PLEKHA7: variants seen among roughly 807,000 people sequenced by gnomAD.
The protein encoded by PLEKHA7 is pleckstrin homology domain-containing family A member 7.
A neutral mutation model predicts 170.0 loss-of-function variants in PLEKHA7; 104 were observed. The observed-to-expected ratio is 0.61, with a 90% confidence interval of 0.52 to 0.72. The LOEUF (loss-of-function observed/expected upper bound fraction) is 0.72, where lower values mean the gene tolerates loss of function less well. PLEKHA7 is among the 30% of genes least tolerant of loss of function. PLEKHA7 has a pLI of 0.00. For missense variants in PLEKHA7, 1,615 were observed against 1,671.7 expected (o/e 0.97, Z 0.59); for synonymous variants, 648 against 660.8 (o/e 0.98, Z 0.30).
chr11:16,916,529 G>A (rs967077380), intron 3 of PLEKHA7, among the ~76,000 whole-genome samples: 3 of 152,162 alleles, frequency 2.0e-5, no homozygotes, highest in African/African-American at 7.2e-5. Flanking sequence ...TCAGGCAATT[G>A]TTTTGAAGAT....
At chr11:16,873,277 T>A (rs1277780437) in intron 3 of PLEKHA7, among the ~76,000 whole-genome samples, 1 of 152,246 alleles carries the variant, frequency 6.6e-6, no homozygotes, top group Non-Finnish European at 1.5e-5. Context: ...AGTCTTTTTT[T>A]ACTCTGCCCT....
chr11:16,779,198 C>A (rs997853686), intron 26 of PLEKHA7, among the ~76,000 whole-genome samples, 178 bp from the exon 27 acceptor site: 1 of 152,248 alleles, frequency 6.6e-6, no homozygotes, highest in African/African-American at 2.4e-5. Flanking sequence ...CTTGCCCCAC[C>A]CTCCCTGCAC....
intron 4 of PLEKHA7, among the ~76,000 whole-genome samples, chr11:16,867,394 T>A (rs1441025352): frequency 6.6e-6 from 1 of 152,170 alleles, no homozygotes; most frequent in Admixed American, 6.5e-5. Context: ...GTGGAGGCTC[T>A]GGCAAGAGGA....
intron 10 of PLEKHA7, among the ~76,000 whole-genome samples, chr11:16,823,663 TAACTCCAACTCCACCCATGTCCAG>T (rs566216766): frequency 8.5e-5 from 13 of 152,316 alleles, no homozygotes; most frequent in African/African-American, 3.1e-4. Flanking sequence ...ATCTGAATGC[TAACTCCAACTCCACCCATGTCCAG>T]AACTCCAACT....
chr11:16,857,098 A>G (rs1186578267), intron 4 of PLEKHA7, among the ~76,000 whole-genome samples: 1 of 152,228 alleles, frequency 6.6e-6, no homozygotes, highest in Non-Finnish European at 1.5e-5. Context: ...CCACCATGGA[A>G]ATATACTGTT....
At chr11:16,971,982 T>C (rs1226779856) in intron 3 of PLEKHA7, among the ~76,000 whole-genome samples, 1 of 151,774 alleles carries the variant, frequency 6.6e-6, no homozygotes, top group African/African-American at 2.4e-5. Flanking sequence ...TGCCACCACA[T>C]CTGGCTAATT....
chr11:16,858,159 A>G (rs1853626356), intron 4 of PLEKHA7, among the ~76,000 whole-genome samples: 1 of 152,186 alleles, frequency 6.6e-6, no homozygotes, highest in African/African-American at 2.4e-5. Flanking sequence ...CATTTGTAAC[A>G]CTTGGTATGG....
chr11:16,803,443 T>C (rs1029982742), intron 13 of PLEKHA7, 148 bp from the exon 14 acceptor site: 66 of 734,774 alleles, frequency 9.0e-5, no homozygotes, highest in Non-Finnish European at 1.4e-4. Context: ...ACTTGGGCCA[T>C]ACTTCGCTAT....
chr11:16,994,424 T>C (rs987148057), intron 3 of PLEKHA7, among the ~76,000 whole-genome samples: 4 of 152,150 alleles, frequency 2.6e-5, no homozygotes, highest in Non-Finnish European at 5.9e-5. Flanking sequence ...GGCCACCTGC[T>C]TTCTCCTTGT....
At chr11:17,000,490 C>T (rs1365909800) in intron 3 of PLEKHA7, among the ~76,000 whole-genome samples, 1 of 152,128 alleles carries the variant, frequency 6.6e-6, no homozygotes, top group Non-Finnish European at 1.5e-5. Flanking sequence ...TCATTTACTG[C>T]CCAGCTTCCT....
Position 16,817,433 on chromosome 11 carries a change from G to C in PLEKHA7, c.1344-111C>G, listed in dbSNP as rs1490048716. ...CTGGGCATGTGGGACAGTCCTGTAA[G>C]AACCTCAAAAGAATGATCAAGGCCG... On this transcript the variant is annotated intron_variant, in intron 10 of 26. Transcript: ENST00000531066. This position sits in a 1 kb window ranked among gnomAD's most constrained non-coding sequence, Gnocchi z 4.4. 2 of 1,123,330 alleles carry C rather than the reference G, an allele frequency of 1.8e-6. No individual in the cohort carries two copies. Among genetic ancestry groups the C allele is most frequent in the Non-Finnish European group, 2.5e-6 (2 of 813,822 alleles). 69.6% of individuals were successfully genotyped at this position (1,123,330 alleles called of 1,614,324 possible). A position where few individuals can be genotyped will look rare whatever the true frequency, so the allele number is the denominator to read the frequency against.
intron 3 of PLEKHA7, among the ~76,000 whole-genome samples, chr11:16,964,860 T>C (rs1862275912): frequency 6.6e-6 from 1 of 152,166 alleles, no homozygotes. Flanking sequence ...AAGAAAACAG[T>C]AGAACACCTA....
intron 3 of PLEKHA7, among the ~76,000 whole-genome samples, chr11:16,967,312 T>C (rs1480114554): frequency 6.6e-6 from 1 of 152,180 alleles, no homozygotes. Context: ...GCAGAAACCA[T>C]TCCATTAGGG....
At chr11:16,993,984 T>C (rs889349182) in intron 3 of PLEKHA7, among the ~76,000 whole-genome samples, 2 of 152,208 alleles carry the variant, frequency 1.3e-5, no homozygotes. Flanking sequence ...GTAATTATGG[T>C]AAACTGTGGG....
At chr11:16,847,090 CTTTTTTTTTTTTT>C (rs59132787) in intron 8 of PLEKHA7, among the ~76,000 whole-genome samples, 7 of 70,826 alleles carry the variant, frequency 9.9e-5, no homozygotes, top group Admixed American at 2.1e-4. Context: ...TTTTTTTTTT[CTTTTTTTTTTTTT>C]TTTTTTTTTT....
At chr11:16,915,308 C>T (rs974099364) in intron 3 of PLEKHA7, among the ~76,000 whole-genome samples, 6 of 152,162 alleles carry the variant, frequency 3.9e-5, no homozygotes, top group African/African-American at 1.4e-4. Flanking sequence ...AAGAAGCAGA[C>T]CTAGGACTAG....
intron 3 of PLEKHA7, among the ~76,000 whole-genome samples, chr11:16,902,500 C>T (rs1473022429): frequency 1.3e-5 from 2 of 152,216 alleles, no homozygotes; most frequent in Non-Finnish European, 2.9e-5. Flanking sequence ...CTCACCAGCA[C>T]TTCTAAAGTA....
intron 8 of PLEKHA7, among the ~76,000 whole-genome samples, chr11:16,846,953 T>C (rs971408930): frequency 4.0e-5 from 6 of 151,850 alleles, no homozygotes; most frequent in African/African-American, 7.3e-5. Flanking sequence ...GCTGTGGAAG[T>C]AGAGAAGAAG....
In PLEKHA7 at chr11:16,791,555, C is replaced by G. The variant is rs1847857667; in HGVS notation, c.2746-356G>C. 1 of 494,292 alleles carries G rather than the reference C, an allele frequency of 2.0e-6. No homozygotes were observed. The highest frequency in any genetic ancestry group is 2.3e-5 in the Admixed American group (1 of 43,638). 30.6% of individuals were successfully genotyped at this position (494,292 alleles called of 1,614,324 possible). Reference sequence around the variant, plus strand: ...ATCGCAGGCAGGCTGCTAACCCTGCCCTGACTTCCATGCTTATCACAGCAC... The same window carrying G: ...ATCGCAGGCAGGCTGCTAACCCTGCGCTGACTTCCATGCTTATCACAGCAC... On this transcript the variant is annotated intron_variant, in intron 19 of 26. Coordinates refer to ENST00000531066, the MANE Select transcript of PLEKHA7 (RefSeq NM_001329630.2). The surrounding 1 kb of genome is among the most constrained non-coding windows in gnomAD (Gnocchi z 4.5).
Sources: allele counts gnomAD v4.1 joint callset (sites outside exome capture counted in the v4.1 genomes callset), GRCh38; gene constraint gnomAD v4.1.1; non-coding constraint Gnocchi (gnomAD v3.1); transcripts MANE v1.5; gene names NCBI Gene and HGNC (gene_info 2026-07-23, HGNC 2026-07-21).